The following GLIS3 variants were observed in gnomAD, a reference collection of about 807,000 sequenced individuals.
GLIS3 encodes zinc finger protein GLIS3.
In GLIS3, 53 loss-of-function variants were observed where a neutral mutation model predicts 78.6. The ratio of observed to expected loss-of-function variants is 0.67; its 90% CI spans 0.54 to 0.85. GLIS3 has a LOEUF of 0.85. Ranked by LOEUF, GLIS3 falls within the 40% of genes least tolerant of loss-of-function variation. The pLI is 0.00. For synonymous variants in GLIS3, 684 were observed against 509.9 expected (o/e 1.34, Z -4.60); for missense variants, 1,703 against 1,231.1 (o/e 1.38, Z -5.74).
intron 4 of GLIS3, among the ~76,000 whole-genome samples, chr9:4,073,879 G>A (rs912714616): frequency 4.6e-5 from 7 of 152,180 alleles, no homozygotes; most frequent in Non-Finnish European, 1.0e-4. Context: ...CTCAGTAATT[G>A]CTCTGTGTGT....
intron 1 of GLIS3, among the ~76,000 whole-genome samples, chr9:4,298,834 C>T (rs1292343528): frequency 6.6e-6 from 1 of 152,106 alleles, no homozygotes; most frequent in African/African-American, 2.4e-5. Context: ...CTCAGCCCGA[C>T]CACCTCCCGC....
intron 1 of GLIS3, among the ~76,000 whole-genome samples, chr9:4,298,846 A>G (rs548893176): frequency 3.3e-5 from 5 of 152,262 alleles, no homozygotes; most frequent in East Asian, 3.9e-4. Context: ...ACCTCCCGCA[A>G]TCATGGGGAC....
At chr9:4,304,857 C>G (rs529663543), upstream of GLIS3, among the ~76,000 whole-genome samples, 2 of 152,288 alleles carry the variant, frequency 1.3e-5, no homozygotes, top group South Asian at 4.1e-4. Context: ...TAAAAGCACT[C>G]AGGAGATTTT....
intron 2 of GLIS3, among the ~76,000 whole-genome samples, chr9:4,326,523 T>C (rs1817603051): frequency 6.6e-6 from 1 of 151,268 alleles, no homozygotes; most frequent in African/African-American, 2.4e-5. Flanking sequence ...GAAAGTGGAG[T>C]AGTGTTTACC....
intron 4 of GLIS3, among the ~76,000 whole-genome samples, chr9:3,982,420 C>T (rs780336143): frequency 1.1e-4 from 16 of 152,154 alleles, no homozygotes; most frequent in Admixed American, 2.0e-4. Flanking sequence ...CTCATTACAA[C>T]TCTAGTCATC....
the GLIS3 span, among the ~76,000 whole-genome samples, chr9:4,384,867 G>C: frequency 6.6e-6 from 1 of 151,992 alleles, no homozygotes; most frequent in Non-Finnish European, 1.5e-5. Context: ...TCCTTTCCTT[G>C]AGATCCAAAC....
intron 2 of GLIS3, among the ~76,000 whole-genome samples, chr9:4,193,320 A>C (rs1818500699): frequency 6.6e-6 from 1 of 152,238 alleles, no homozygotes; most frequent in Admixed American, 6.5e-5. Flanking sequence ...GTTGTACTGA[A>C]ACACAGACAA....
upstream of GLIS3, among the ~76,000 whole-genome samples, chr9:4,350,236 C>T (rs1422662242): frequency 6.6e-6 from 1 of 152,332 alleles, no homozygotes; most frequent in South Asian, 2.1e-4. Flanking sequence ...ACCCGCAAGG[C>T]ACCTATTCAC....
chr9:4,317,714 G>C (rs2130539681), intron 2 of GLIS3, among the ~76,000 whole-genome samples: 1 of 152,296 alleles, frequency 6.6e-6, no homozygotes, highest in African/African-American at 2.4e-5. Flanking sequence ...AAGAAAATGA[G>C]CAGGCATTAT....
At chr9:3,870,164 C>T (rs567747493) in intron 8 of GLIS3, among the ~76,000 whole-genome samples, 1 of 152,274 alleles carries the variant, frequency 6.6e-6, no homozygotes, top group South Asian at 2.1e-4. Flanking sequence ...AGCAACATTA[C>T]ATTCCCAATG....
At chr9:4,005,568 G>A (rs1279873510) in intron 4 of GLIS3, among the ~76,000 whole-genome samples, 1 of 152,156 alleles carries the variant, frequency 6.6e-6, no homozygotes, top group Non-Finnish European at 1.5e-5. Context: ...CATCAATAAA[G>A]TGGGGATAAG....
chr9:3,839,539 T>C (rs1431788688), intron 9 of GLIS3, among the ~76,000 whole-genome samples: 1 of 151,308 alleles, frequency 6.6e-6, no homozygotes, highest in African/African-American at 2.4e-5. Flanking sequence ...TCTTCATCAT[T>C]AAAACAACTT....
At chr9:3,887,409 G>C (rs1486932229) in intron 7 of GLIS3, among the ~76,000 whole-genome samples, 1 of 152,058 alleles carries the variant, frequency 6.6e-6, no homozygotes, top group Non-Finnish European at 1.5e-5. Context: ...GTAAGTGAGG[G>C]CACGGCTCTG....
At chr9:4,078,824 T>C (rs1315672858) in intron 4 of GLIS3, among the ~76,000 whole-genome samples, 12 of 152,222 alleles carry the variant, frequency 7.9e-5, no homozygotes. Flanking sequence ...TGAATGTGTT[T>C]AGCTACTTTA....
chr9:4,429,256 T>C, the GLIS3 span, among the ~76,000 whole-genome samples: 1 of 152,166 alleles, frequency 6.6e-6, no homozygotes, highest in African/African-American at 2.4e-5. Context: ...CTTAAGATGA[T>C]AAAGTTCCTG....
intron 9 of GLIS3, among the ~76,000 whole-genome samples, chr9:3,854,776 C>G (rs1428810684): frequency 6.6e-6 from 1 of 151,874 alleles, no homozygotes; most frequent in Non-Finnish European, 1.5e-5. Context: ...GACCTCCTAA[C>G]CTCATGATCC....
At chr9:3,863,274 C>CTT (rs1820346218) in intron 8 of GLIS3, among the ~76,000 whole-genome samples, 1 of 152,234 alleles carries the variant, frequency 6.6e-6, no homozygotes, top group Admixed American at 6.5e-5. Context: ...AAAAGAGACA[C>CTT]TTGGACTCAG....
chr9:3,923,880 G>A (rs1395562543), intron 6 of GLIS3, among the ~76,000 whole-genome samples: 3 of 152,214 alleles, frequency 2.0e-5, no homozygotes, highest in Non-Finnish European at 2.9e-5. Context: ...AGAATAGCCT[G>A]TAATCCCACC....
chr9:3,838,557 G>A (rs1198846925), intron 9 of GLIS3, among the ~76,000 whole-genome samples: 1 of 152,146 alleles, frequency 6.6e-6, no homozygotes, highest in Non-Finnish European at 1.5e-5. Context: ...AGTATAAGAA[G>A]AATCCCTGCT....
Sources: allele counts gnomAD v4.1 joint callset (sites outside exome capture counted in the v4.1 genomes callset), GRCh38; gene constraint gnomAD v4.1.1; transcripts MANE v1.5; gene names NCBI Gene and HGNC (gene_info 2026-07-23, HGNC 2026-07-21).